The following WDR64 variants were observed in gnomAD, a reference collection of about 807,000 sequenced individuals.
WDR64 encodes WD repeat-containing protein 64.
A neutral mutation model predicts 139.3 loss-of-function variants in WDR64; 112 were observed. That is an observed-to-expected ratio of 0.80 (90% CI 0.69 to 0.94). The LOEUF (loss-of-function observed/expected upper bound fraction) is 0.94. WDR64 is among the 40% of genes least tolerant of loss of function. The pLI, the probability that WDR64 is intolerant of heterozygous loss-of-function variation, is 0.00. For missense variants in WDR64, 1,206 were observed against 1,293.1 expected (o/e 0.93, Z 1.03); for synonymous variants, 444 against 437.7 (o/e 1.01, Z -0.18).
chr1:241,665,079 T>TA (rs1665980301), intron 2 of WDR64, among the ~76,000 whole-genome samples: 1 of 152,000 alleles, frequency 6.6e-6, no homozygotes, highest in South Asian at 2.1e-4. Context: ...AAGAAGACTT[T>TA]AAAAAAACAA....
intron 3 of WDR64, among the ~76,000 whole-genome samples, chr1:241,672,084 AG>A (rs991458492): frequency 1.3e-5 from 2 of 152,142 alleles, no homozygotes; most frequent in South Asian, 2.1e-4. Flanking sequence ...CTGAGGCAGA[AG>A]AATCACTTGA....
At chr1:241,687,652 G>A in intron 8 of WDR64, 57 bp downstream of exon 8, 1 of 1,508,256 alleles carries the variant, frequency 6.6e-7, no homozygotes, top group South Asian at 1.2e-5. Flanking sequence ...TTTTTACAAT[G>A]ATAAAACCAT....
At chr1:241,695,421 C>CA (rs1330050858) in intron 8 of WDR64, among the ~76,000 whole-genome samples, 4 of 152,138 alleles carry the variant, frequency 2.6e-5, no homozygotes, top group African/African-American at 4.8e-5. Context: ...CTCTAAAAAT[C>CA]AGTCGACCCA....
At chr1:241,690,538 A>T (rs1470469161) in intron 8 of WDR64, among the ~76,000 whole-genome samples, 1 of 152,164 alleles carries the variant, frequency 6.6e-6, no homozygotes. Context: ...AAGCAAAGAC[A>T]AGAATTACTT....
intron 13 of WDR64, among the ~76,000 whole-genome samples, chr1:241,744,987 C>T (rs755956081): frequency 2.0e-5 from 3 of 152,206 alleles, no homozygotes; most frequent in Non-Finnish European, 4.4e-5. Flanking sequence ...GTCTAGCCTT[C>T]GTGAGGGCAT....
chr1:241,732,461 A>C (rs1315857063), intron 10 of WDR64, among the ~76,000 whole-genome samples: 1 of 152,130 alleles, frequency 6.6e-6, no homozygotes, highest in Non-Finnish European at 1.5e-5. Context: ...ATGGCTTGTT[A>C]ATGTTGTATC....
At chr1:241,778,824 A>G (rs914720932) in intron 21 of WDR64, among the ~76,000 whole-genome samples, 1 of 152,162 alleles carries the variant, frequency 6.6e-6, no homozygotes, top group Admixed American at 6.5e-5. Context: ...CTGTATAATT[A>G]CTATCATTCA....
At chr1:241,764,563 TG>T (rs1432147049) in intron 15 of WDR64, among the ~76,000 whole-genome samples, 1 of 151,814 alleles carries the variant, frequency 6.6e-6, no homozygotes, top group Non-Finnish European at 1.5e-5. Flanking sequence ...TGGGAGGCTG[TG>T]GTGGGAGGAG....
intron 2 of WDR64, among the ~76,000 whole-genome samples, chr1:241,661,872 C>A (rs967806543): frequency 6.6e-6 from 1 of 152,224 alleles, no homozygotes; most frequent in Non-Finnish European, 1.5e-5. Flanking sequence ...TTTACTGGAA[C>A]ACAGCAATGC....
intron 8 of WDR64, among the ~76,000 whole-genome samples, chr1:241,708,695 T>TTTTTTG: frequency 1.5e-5 from 1 of 65,822 alleles, no homozygotes; most frequent in Non-Finnish European, 3.5e-5. Flanking sequence ...GTCCATGGTT[T>TTTTTTG]TTTTTTTTGT....
chr1:241,771,825 TAC>T, intron 19 of WDR64, 128 bp downstream of exon 19: 1 of 374,968 alleles, frequency 2.7e-6, no homozygotes, highest in Non-Finnish European at 4.3e-6. Flanking sequence ...TATATTCATA[TAC>T]ATTCATATAT....
Position 241,674,814 on chromosome 1 carries a change from G to C in WDR64, c.483+67G>C, listed in dbSNP as rs926332058. ...AATAACCAGGTAATTTAAAAGCTTG[G>C]ATTTCTCCCCCCCTCCCTCCCTCCC... On this transcript the variant is annotated intron_variant, in intron 4 of 27. Transcript: ENST00000437684. 6 of 947,730 alleles carry C rather than the reference G, an allele frequency of 6.3e-6. No individual in the cohort carries two copies. The African/African-American group carries it at 1.0e-4, about 16-fold the overall frequency. The allele number at this position is 947,730 out of a possible 1,614,324, so 58.7% of individuals were successfully genotyped here.
intron 9 of WDR64, among the ~76,000 whole-genome samples, chr1:241,720,531 G>A (rs540721629): frequency 6.6e-6 from 1 of 152,074 alleles, no homozygotes; most frequent in Non-Finnish European, 1.5e-5. Flanking sequence ...TTGTGGTTTT[G>A]ATTTGCATTT....
At chr1:241,662,051 T>C (rs1665853333) in intron 2 of WDR64, among the ~76,000 whole-genome samples, 1 of 152,104 alleles carries the variant, frequency 6.6e-6, no homozygotes, top group Non-Finnish European at 1.5e-5. Flanking sequence ...TAAAAAAAGA[T>C]GTCTAATAAG....
At chr1:241,693,758 T>C (rs560440049) in intron 8 of WDR64, among the ~76,000 whole-genome samples, 2 of 152,240 alleles carry the variant, frequency 1.3e-5, no homozygotes, top group East Asian at 1.9e-4. Context: ...ATCTGACTTG[T>C]TGCAACAACA....
intron 3 of WDR64, among the ~76,000 whole-genome samples, chr1:241,671,712 G>A (rs374707679): frequency 6.6e-6 from 1 of 152,104 alleles, no homozygotes; most frequent in Non-Finnish European, 1.5e-5. Flanking sequence ...CTGGGACCCA[G>A]GACCTCCCAT....
intron 4 of WDR64, among the ~76,000 whole-genome samples, chr1:241,675,221 TCTTCCTTCCTCCCTCCTTCCTCCCTC>T (rs1666494834): frequency 2.6e-5 from 1 of 39,076 alleles, no homozygotes; most frequent in South Asian, 1.5e-3. Flanking sequence ...CTCCCTCCCT[TCTTCCTTCCTCCCTCCTTCCTCCCTC>T]CTTCCTTCCT....
At chr1:241,765,043 C>T (rs980684077) in intron 15 of WDR64, among the ~76,000 whole-genome samples, 2 of 151,798 alleles carry the variant, frequency 1.3e-5, no homozygotes, top group East Asian at 3.9e-4. Context: ...AAACATTAGC[C>T]AGGCATGGTA....
intron 23 of WDR64, among the ~76,000 whole-genome samples, chr1:241,785,122 AAC>A (rs1421645158): frequency 1.3e-5 from 2 of 152,024 alleles, no homozygotes; most frequent in African/African-American, 4.8e-5. Flanking sequence ...TTGAGTTTGT[AAC>A]ACACACACAG....
Sources: allele counts gnomAD v4.1 joint callset (sites outside exome capture counted in the v4.1 genomes callset), GRCh38; gene constraint gnomAD v4.1.1; transcripts MANE v1.5; gene names NCBI Gene and HGNC (gene_info 2026-07-23, HGNC 2026-07-21).